MCF2: variants seen among roughly 807,000 people sequenced by gnomAD.
MCF2 encodes the protein MCF.2 cell line derived transforming sequence.
In MCF2, 44 loss-of-function variants were observed where a neutral mutation model predicts 82.5. The observed-to-expected ratio is 0.53, with a 90% CI of 0.42 to 0.69. The LOEUF (loss-of-function observed/expected upper bound fraction) is 0.69. MCF2 is among the 30% of genes least tolerant of loss of function. The probability of loss-of-function intolerance (pLI) is 0.00; values close to 1 mark genes in which losing one functional copy is unlikely to be tolerated. For synonymous variants in MCF2, 217 were observed against 224.9 expected (o/e 0.96, Z 0.32); for missense variants, 623 against 663.1 (o/e 0.94, Z 0.66).
At chrX:139,706,892 A>T (rs1292593966) in intron 1 of MCF2, among the ~76,000 whole-genome samples, 2 of 109,349 alleles carry the variant, frequency 1.8e-5, no homozygotes, top group Non-Finnish European at 3.8e-5. Flanking sequence ...AGACATAATT[A>T]TTATTATTAT....
At chrX:139,613,633 A>G (rs1391340275) in intron 10 of MCF2, among the ~76,000 whole-genome samples, 2 of 111,707 alleles carry the variant, frequency 1.8e-5, no homozygotes, top group Non-Finnish European at 1.9e-5. Context: ...GTTCAAGGAC[A>G]CACAGCCAGT....
chrX:139,596,722 C>G (rs376642680), exon 19 of MCF2: 18 of 1,208,266 alleles, frequency 1.5e-5, no homozygotes, highest in African/African-American at 3.5e-5. Context: ...CCTATCCAAA[C>G]GCTGAATCCA....
upstream of MCF2, chrX:139,645,613 T>A (rs1188137738): frequency 1.7e-6 from 2 of 1,202,409 alleles, no homozygotes; most frequent in Non-Finnish European, 2.2e-6. Flanking sequence ...ATGTATCCAA[T>A]CTTCGATCCA....
At chrX:139,691,760 TG>T (rs1394123159) in intron 1 of MCF2, among the ~76,000 whole-genome samples, 1 of 89,949 alleles carries the variant, frequency 1.1e-5, no homozygotes, top group Non-Finnish European at 2.2e-5. Context: ...GCGGGCGAGG[TG>T]GGGGGGTTGT....
At chrX:139,655,229 T>C (rs748686278) in intron 1 of MCF2, among the ~76,000 whole-genome samples, 3 of 112,430 alleles carry the variant, frequency 2.7e-5, no homozygotes, top group Admixed American at 9.4e-5. Flanking sequence ...TTTCTGTGGG[T>C]AGAATTGTCA....
intron 12 of MCF2, 185 bp downstream of exon 16, chrX:139,607,506 T>A (rs200175154): frequency 7.2e-6 from 2 of 277,083 alleles, no homozygotes; most frequent in East Asian, 1.1e-4. Context: ...CTGAAAAAGT[T>A]TAGTTAATTT....
At chrX:139,656,879 G>C (rs1412472965) in intron 1 of MCF2, among the ~76,000 whole-genome samples, 1 of 111,935 alleles carries the variant, frequency 8.9e-6, no homozygotes. Flanking sequence ...ACCAAACCTG[G>C]ATCAAGTCCA....
intron 8 of MCF2, 21 bp from the exon 12 acceptor site, chrX:139,616,494 A>T: frequency 1.6e-5 from 2 of 125,644 alleles, no homozygotes; most frequent in Non-Finnish European, 1.2e-5. Flanking sequence ...AATCAAGAAG[A>T]AAAAAAAAAA....
intron 1 of MCF2, among the ~76,000 whole-genome samples, chrX:139,652,537 TTTGA>T (rs763646228): frequency 8.9e-6 from 1 of 112,189 alleles, no homozygotes; most frequent in African/African-American, 3.2e-5. Context: ...TTCAATGTGC[TTTGA>T]TTGTCCCAGA....
At chrX:139,639,716 GCTCT>G (rs1294022656) in intron 1 of MCF2, among the ~76,000 whole-genome samples, 1 of 111,797 alleles carries the variant, frequency 8.9e-6, no homozygotes, top group East Asian at 2.8e-4. Context: ...TCTTGTGTGT[GCTCT>G]CTAAGGGAGG....
intron 4 of MCF2, among the ~76,000 whole-genome samples, chrX:139,629,141 A>C (rs112595247): frequency 0.02 from 2,236 of 112,143 alleles, 56 homozygotes; most frequent in African/African-American, 0.067. Flanking sequence ...TGCATTTACA[A>C]AAACCTAGAT....
chrX:139,593,653 C>T (rs1161579751), intron 19 of MCF2, among the ~76,000 whole-genome samples: 1 of 111,290 alleles, frequency 9.0e-6, no homozygotes, highest in Non-Finnish European at 1.9e-5. Context: ...TACTGGCAAA[C>T]CGAATCCAGC....
intron 1 of MCF2, among the ~76,000 whole-genome samples, chrX:139,675,717 C>T (rs779437954): frequency 4.4e-4 from 49 of 112,049 alleles, no homozygotes; most frequent in Admixed American, 1.7e-3. Context: ...GGGCACCTGC[C>T]TGTATGAGGT....
chrX:139,660,061 TTC>T (rs772339736), intron 1 of MCF2, among the ~76,000 whole-genome samples: 90 of 111,882 alleles, frequency 8.0e-4, no homozygotes, highest in African/African-American at 2.5e-3. Flanking sequence ...TCATTCAAAC[TTC>T]TCTTATTCAT....
chrX:139,693,943 A>G (rs972008738), intron 1 of MCF2, among the ~76,000 whole-genome samples: 1 of 112,271 alleles, frequency 8.9e-6, no homozygotes, highest in Non-Finnish European at 1.9e-5. Flanking sequence ...AAGATGCAAA[A>G]CAATATTTAT....
chrX:139,681,742 G>C (rs947426829), intron 1 of MCF2, among the ~76,000 whole-genome samples: 10 of 111,579 alleles, frequency 9.0e-5, no homozygotes, highest in African/African-American at 3.3e-4. Context: ...TTATTTACTT[G>C]TTCACCATAA....
intron 1 of MCF2, among the ~76,000 whole-genome samples, chrX:139,662,783 C>G (rs1466521974): frequency 9.0e-6 from 1 of 110,766 alleles, no homozygotes; most frequent in African/African-American, 3.3e-5. Flanking sequence ...ACCCACTTCT[C>G]TTCACCCTCC....
intron 7 of MCF2, among the ~76,000 whole-genome samples, chrX:139,619,224 C>T (rs1343802162): frequency 9.0e-6 from 1 of 110,889 alleles, no homozygotes; most frequent in Non-Finnish European, 1.9e-5. Context: ...GTCTCAGTGA[C>T]CTCCTTTTAC....
chrX:139,652,569 C>A (rs954548260), intron 1 of MCF2, among the ~76,000 whole-genome samples: 2 of 111,921 alleles, frequency 1.8e-5, no homozygotes, highest in African/African-American at 6.5e-5. Flanking sequence ...TGTTAACTTA[C>A]AATGTTCAAT....
Sources: gnomAD v4.1 joint callset for allele counts (sites outside exome capture counted in the v4.1 genomes callset) on GRCh38, gnomAD v4.1.1 for gene constraint, MANE v1.5 for transcripts, NCBI Gene and HGNC (gene_info 2026-07-23, HGNC 2026-07-21) for gene names.